SNTG1: variants seen among roughly 807,000 people sequenced by gnomAD.
SNTG1 encodes the protein gamma-1-syntrophin.
In SNTG1, 39 loss-of-function variants were observed where a neutral mutation model predicts 74.7. The observed-to-expected ratio is 0.52, with a 90% CI of 0.40 to 0.68. The LOEUF is 0.68. SNTG1 is among the 30% of genes least tolerant of loss of function. SNTG1 has a pLI of 0.00. For synonymous variants in SNTG1, 254 were observed against 217.1 expected (o/e 1.17, Z -1.49); for missense variants, 685 against 609.5 (o/e 1.12, Z -1.30).
intron 2 of SNTG1, among the ~76,000 whole-genome samples, chr8:50,271,580 C>T (rs1423006702): frequency 6.6e-6 from 1 of 152,052 alleles, no homozygotes; most frequent in Non-Finnish European, 1.5e-5. Flanking sequence ...TAACTATTGG[C>T]TTTCCAAAAA....
At chr8:50,257,268 C>T (rs1400469891) in intron 2 of SNTG1, among the ~76,000 whole-genome samples, 1 of 152,166 alleles carries the variant, frequency 6.6e-6, no homozygotes, top group East Asian at 1.9e-4. Context: ...TTGTCCAAAC[C>T]TAGCCCACTT....
intron 2 of SNTG1, among the ~76,000 whole-genome samples, chr8:50,304,885 C>T (rs1048605221): frequency 2.0e-5 from 3 of 151,942 alleles, no homozygotes; most frequent in Non-Finnish European, 1.5e-5. Flanking sequence ...CTCACAGGAA[C>T]TTTTATTTTT....
At chr8:50,096,413 T>A (rs1193196757) in intron 1 of SNTG1, among the ~76,000 whole-genome samples, 1 of 152,142 alleles carries the variant, frequency 6.6e-6, no homozygotes, top group African/African-American at 2.4e-5. Context: ...AAGTGGCGAG[T>A]ATAATTGTGA....
intron 12 of SNTG1, among the ~76,000 whole-genome samples, chr8:50,557,243 A>G (rs1474603578): frequency 3.3e-5 from 5 of 150,728 alleles, no homozygotes; most frequent in African/African-American, 9.8e-5. Context: ...AAAAAACAGG[A>G]TGAAGACCCA....
intron 2 of SNTG1, among the ~76,000 whole-genome samples, chr8:50,250,168 G>A (rs564983564): frequency 5.3e-5 from 8 of 151,526 alleles, no homozygotes; most frequent in African/African-American, 1.9e-4. Context: ...TTTAACAAAT[G>A]AAATAAAAAT....
At chr8:49,963,029 C>G (rs1231451485) in intron 1 of SNTG1, among the ~76,000 whole-genome samples, 1 of 152,212 alleles carries the variant, frequency 6.6e-6, no homozygotes, top group East Asian at 1.9e-4. Context: ...AAGCGCAATC[C>G]AAGAAGTGAC....
intron 2 of SNTG1, among the ~76,000 whole-genome samples, chr8:50,353,113 G>C (rs1476285526): frequency 6.6e-6 from 1 of 151,916 alleles, no homozygotes; most frequent in African/African-American, 2.4e-5. Context: ...TAGGGACATG[G>C]ATAAAGCTGG....
At chr8:50,076,016 A>G (rs1484954243) in intron 1 of SNTG1, among the ~76,000 whole-genome samples, 2 of 152,222 alleles carry the variant, frequency 1.3e-5, no homozygotes, top group African/African-American at 4.8e-5. Flanking sequence ...TCCAGACACA[A>G]CATAACAGAT....
chr8:49,985,856 C>T (rs1272879297), intron 1 of SNTG1, among the ~76,000 whole-genome samples: 6 of 152,072 alleles, frequency 3.9e-5, no homozygotes, highest in Admixed American at 3.9e-4. Flanking sequence ...TGATAATGAT[C>T]TCTATTTGAC....
intron 13 of SNTG1, among the ~76,000 whole-genome samples, chr8:50,646,251 G>T (rs147288719): frequency 0.01 from 1,576 of 152,194 alleles, 33 homozygotes; most frequent in African/African-American, 0.035. Context: ...TAATTAGATG[G>T]CCTTCTCCAC....
At chr8:50,330,900 C>G (rs1265686338) in intron 2 of SNTG1, among the ~76,000 whole-genome samples, 3 of 152,278 alleles carry the variant, frequency 2.0e-5, no homozygotes, top group African/African-American at 7.2e-5. Flanking sequence ...CCAACCACCT[C>G]CCTCCCTTGA....
At chr8:50,317,795 T>C (rs2090366813) in intron 2 of SNTG1, among the ~76,000 whole-genome samples, 1 of 152,212 alleles carries the variant, frequency 6.6e-6, no homozygotes, top group Non-Finnish European at 1.5e-5. Flanking sequence ...AAAATGCAGA[T>C]TAAGTACTAT....
intron 17 of SNTG1, among the ~76,000 whole-genome samples, chr8:50,711,193 C>G (rs1230485190): frequency 1.3e-5 from 2 of 152,010 alleles, no homozygotes; most frequent in East Asian, 3.9e-4. Flanking sequence ...TTGTTACATA[C>G]AAATCAAAAC....
At chr8:50,040,781 A>G (rs894238516) in intron 1 of SNTG1, among the ~76,000 whole-genome samples, 2 of 152,210 alleles carry the variant, frequency 1.3e-5, no homozygotes, top group African/African-American at 4.8e-5. Flanking sequence ...TGACTTGGGT[A>G]TTAGATGGTA....
rs1357304635 is a variant in SNTG1, at chr8:50,796,117, A to G, written c.*3288A>G. The stretch of plus-strand genomic sequence containing the variant: ...TGAAGCTTGATCATGAACTTTGTCT[A>G]TGTTGAATGCTGGATTTAAGAAAAG... On this transcript the variant is annotated 3_prime_UTR_variant, in exon 19 of 19. Transcript: ENST00000642720. 6.6e-6 allele frequency: 1 copy of G among 152,078 alleles called. No individual in the cohort carries two copies. The highest frequency in any genetic ancestry group is 2.4e-5 in the African/African-American group (1 of 41,442). The allele number at this position is 152,078 out of a possible 1,614,324, so 9.4% of individuals were successfully genotyped here. A position where few individuals can be genotyped will look rare whatever the true frequency, so the allele number is the denominator to read the frequency against.
chr8:49,921,040 C>T (rs371837570), intron 1 of SNTG1, among the ~76,000 whole-genome samples: 1 of 152,030 alleles, frequency 6.6e-6, no homozygotes, highest in African/African-American at 2.4e-5. Flanking sequence ...ACATAACAAC[C>T]AAATGCAGGT....
intron 13 of SNTG1, among the ~76,000 whole-genome samples, chr8:50,626,300 C>T (rs1237294154): frequency 2.0e-5 from 3 of 152,106 alleles, no homozygotes; most frequent in South Asian, 2.1e-4. Context: ...ACAACAAAGG[C>T]AGAAGTGCAA....
intron 16 of SNTG1, among the ~76,000 whole-genome samples, chr8:50,705,344 A>G (rs1778383230): frequency 6.6e-6 from 1 of 152,216 alleles, no homozygotes; most frequent in South Asian, 2.1e-4. Context: ...CAGATAAGAA[A>G]ACACAAACTA....
chr8:50,187,980 A>G (rs892562730), intron 2 of SNTG1, among the ~76,000 whole-genome samples: 7 of 152,106 alleles, frequency 4.6e-5, no homozygotes, highest in African/African-American at 1.7e-4. Context: ...CATACATATT[A>G]TCCATCACTG....
Sources: allele counts gnomAD v4.1 joint callset (sites outside exome capture counted in the v4.1 genomes callset), GRCh38; gene constraint gnomAD v4.1.1; transcripts MANE v1.5; gene names NCBI Gene and HGNC (gene_info 2026-07-23, HGNC 2026-07-21).